HS6ST2: variants seen among roughly 807,000 people sequenced by gnomAD.
HS6ST2 encodes the protein heparan-sulfate 6-O-sulfotransferase 2.
Under a neutral mutation model 33.0 loss-of-function variants are expected in HS6ST2, and 17 were observed. The observed-to-expected ratio is 0.52, with a 90% CI of 0.35 to 0.77. The LOEUF is 0.77. Ranked by LOEUF, HS6ST2 falls within the 30% of genes least tolerant of loss-of-function variation. The probability of loss-of-function intolerance (pLI) is 0.01; values close to 1 mark genes in which losing one functional copy is unlikely to be tolerated. For synonymous variants in HS6ST2, 248 were observed against 237.1 expected, an observed-to-expected ratio of 1.05 and a Z score of -0.42; for missense variants, 519 against 551.7, an observed-to-expected ratio of 0.94 and a Z score of 0.59.
intron 2 of HS6ST2, among the ~76,000 whole-genome samples, chrX:132,870,654 C>T (rs1007372131): frequency 8.9e-6 from 1 of 111,740 alleles, no homozygotes; most frequent in Non-Finnish European, 1.9e-5. Flanking sequence ...CTATCAAAAA[C>T]AAGCAATGGG....
chrX:132,813,934 T>A (rs1452606451), intron 2 of HS6ST2, among the ~76,000 whole-genome samples: 1 of 111,069 alleles, frequency 9.0e-6, no homozygotes, highest in Non-Finnish European at 1.9e-5. Flanking sequence ...AGAACATTTA[T>A]TTAATTTAAT....
intron 3 of HS6ST2, chrX:132,669,781 T>C (rs1339668147): frequency 8.9e-6 from 1 of 112,556 alleles, no homozygotes; most frequent in Non-Finnish European, 1.9e-5. Flanking sequence ...CCACCTTCAA[T>C]AACTCCACAG....
intron 2 of HS6ST2, among the ~76,000 whole-genome samples, chrX:132,740,103 A>G (rs1483065589): frequency 8.9e-6 from 1 of 112,058 alleles, no homozygotes; most frequent in Non-Finnish European, 1.9e-5. Context: ...TGAGTAATTT[A>G]TGACTCCCAG....
chrX:132,642,445 G>A (rs1459761066), intron 4 of HS6ST2, among the ~76,000 whole-genome samples: 1 of 110,915 alleles, frequency 9.0e-6, no homozygotes, highest in African/African-American at 3.3e-5. Flanking sequence ...GGCTTTTTCT[G>A]GGGGGGTGTG....
chrX:132,851,313 C>T (rs1403512652), intron 2 of HS6ST2, among the ~76,000 whole-genome samples: 1 of 112,246 alleles, frequency 8.9e-6, no homozygotes, highest in Non-Finnish European at 1.9e-5. Context: ...AATAAACACC[C>T]ACCATTATGT....
intron 2 of HS6ST2, among the ~76,000 whole-genome samples, chrX:132,821,539 G>A (rs1363245962): frequency 9.1e-6 from 1 of 110,325 alleles, no homozygotes; most frequent in African/African-American, 3.3e-5. Context: ...GAGGCAAGAA[G>A]AGGCATCTGA....
intron 2 of HS6ST2, among the ~76,000 whole-genome samples, chrX:132,864,471 C>A (rs1179342341): frequency 9.4e-6 from 1 of 105,863 alleles, no homozygotes; most frequent in Non-Finnish European, 1.9e-5. Context: ...GTATAAACAG[C>A]CAAATTGATC....
chrX:132,784,573 G>A (rs985632395), intron 2 of HS6ST2, among the ~76,000 whole-genome samples: 7 of 111,848 alleles, frequency 6.3e-5, no homozygotes, highest in African/African-American at 9.8e-5. Flanking sequence ...GCCTCCAAAC[G>A]TGCTGGGATC....
intron 2 of HS6ST2, among the ~76,000 whole-genome samples, chrX:132,887,614 CACTT>C (rs750505734): frequency 1.8e-5 from 2 of 112,178 alleles, no homozygotes; most frequent in Non-Finnish European, 3.8e-5. Context: ...ATTAAACACA[CACTT>C]ACCATATAAC....
chrX:132,906,781 C>T (rs746944037), intron 2 of HS6ST2, among the ~76,000 whole-genome samples: 81 of 111,483 alleles, frequency 7.3e-4, no homozygotes, highest in Non-Finnish European at 1.2e-3. Flanking sequence ...AATTCTCCTG[C>T]CTCAGCCTCC....
chrX:132,680,728 G>A (rs1276112042), intron 3 of HS6ST2, among the ~76,000 whole-genome samples: 1 of 111,123 alleles, frequency 9.0e-6, no homozygotes, highest in Non-Finnish European at 1.9e-5. Flanking sequence ...TGGGCATGGT[G>A]GCTCACACCT....
intron 2 of HS6ST2, among the ~76,000 whole-genome samples, chrX:132,736,092 G>A (rs866370014): frequency 1.8e-5 from 2 of 110,875 alleles, no homozygotes; most frequent in East Asian, 2.9e-4. Context: ...TGATCCACCC[G>A]CCTCGGCCTC....
chrX:132,768,377 C>T (rs749208153), intron 2 of HS6ST2, among the ~76,000 whole-genome samples: 1 of 108,084 alleles, frequency 9.3e-6, no homozygotes, highest in African/African-American at 3.4e-5. Context: ...TGGGATCTAC[C>T]TAGTAAAAGA....
chrX:132,829,237 T>C (rs1019114156), intron 2 of HS6ST2, among the ~76,000 whole-genome samples: 38 of 101,876 alleles, frequency 3.7e-4, no homozygotes, highest in African/African-American at 1.3e-3. Flanking sequence ...TAAAGATATG[T>C]GAAGCACATA....
intron 2 of HS6ST2, among the ~76,000 whole-genome samples, chrX:132,720,193 A>T (rs993606029): frequency 1.2e-4 from 14 of 112,528 alleles, no homozygotes; most frequent in Non-Finnish European, 2.6e-4. Context: ...AGAACTGCTT[A>T]TTTGAAGTTG....
At chrX:132,885,579 C>T (rs1027638960) in intron 2 of HS6ST2, among the ~76,000 whole-genome samples, 1 of 111,221 alleles carries the variant, frequency 9.0e-6, no homozygotes, top group Non-Finnish European at 1.9e-5. Flanking sequence ...TCATAATAAT[C>T]ATAACAACTA....
chrX:132,729,910 T>G (rs745645022), intron 2 of HS6ST2, among the ~76,000 whole-genome samples: 1 of 109,898 alleles, frequency 9.1e-6, no homozygotes, highest in African/African-American at 3.3e-5. Context: ...GACTATGATG[T>G]GAATGGCAGT....
chrX:132,886,131 A>G (rs1462701976), intron 2 of HS6ST2, among the ~76,000 whole-genome samples: 1 of 112,076 alleles, frequency 8.9e-6, no homozygotes, highest in Non-Finnish European at 1.9e-5. Flanking sequence ...GAGAACTTCA[A>G]AAGACCTCTT....
intron 2 of HS6ST2, among the ~76,000 whole-genome samples, chrX:132,847,515 T>C (rs1015675786): frequency 9.0e-6 from 1 of 111,367 alleles, no homozygotes; most frequent in Non-Finnish European, 1.9e-5. Flanking sequence ...ACAAGTTGAA[T>C]AGGAATCTCT....
Sources: gnomAD v4.1 joint callset for allele counts (sites outside exome capture counted in the v4.1 genomes callset) on GRCh38, gnomAD v4.1.1 for gene constraint, MANE v1.5 for transcripts, NCBI Gene and HGNC (gene_info 2026-07-23, HGNC 2026-07-21) for gene names.